CD200: variants seen among roughly 807,000 people sequenced by gnomAD.
The protein encoded by CD200 is OX-2 membrane glycoprotein.
A neutral mutation model predicts 30.9 loss-of-function variants in CD200; 15 were observed. The ratio of observed to expected loss-of-function variants is 0.49; its 90% CI spans 0.32 to 0.75. The LOEUF is 0.75. CD200 is among the 30% of genes least tolerant of loss of function. The pLI is 0.03. For synonymous variants in CD200, 134 were observed against 126.2 expected (o/e 1.06, Z -0.41); for missense variants, 262 against 324.2 (o/e 0.81, Z 1.47).
rs894594109 is a variant in CD200 at position 112,345,162 on chromosome 3, C to T, written c.295C>T (p.Leu99=). 1.9e-6 allele frequency: 3 copies of T among 1,613,996 alleles called. No homozygotes were observed. Among genetic ancestry groups the T allele is most frequent in the Non-Finnish European group, 2.5e-6 (3 of 1,179,976 alleles). The change falls in exon 3 of 6, where the codon CTG becomes TTG. Residue 99 remains leucine (L), a synonymous_variant. Coordinates refer to ENST00000315711, the MANE Select transcript of CD200 (RefSeq NM_005944.7). ...TAAGGACAAGATAAACATTACCCAG[C>T]TGGGACTCCAAAACTCAACCATCAC... is the stretch of plus-strand genomic sequence containing the variant. ...AYKDKINITQ[L]GLQNSTITFW...
chr3:112,333,913 GAGA>G (rs1211703477), intron 1 of CD200: 1 of 985,388 alleles, frequency 1.0e-6, no homozygotes, highest in African/African-American at 1.7e-5. Flanking sequence ...ACAAAAAACG[GAGA>G]AGGTTTTCAT....
rs1559783024 is a variant in CD200 at position 112,342,325 on chromosome 3, CTTTCTTTCTTTCCTT to C, written c.94+1343_94+1357del. ...TCCTTCCTTTCTTCTTTCTTTCTTTCTTTCTTTCTTTCCTTCTTTCTTTCTTTCTTTCTTTCTTTC... is the reference window on the plus strand; with the variant it reads ...TCCTTCCTTTCTTCTTTCTTTCTTTCCTTTCTTTCTTTCTTTCTTTCTTTC... On this transcript the variant is annotated intron_variant, in intron 2 of 5. Transcript: ENST00000315711. 4.2e-3 allele frequency among the ~76,000 whole-genome samples: 110 copies of C among 26,060 alleles called. 25 individuals carry two copies. Among genetic ancestry groups the C allele is most frequent in the African/African-American group, 7.9e-3 (45 of 5,710 alleles). 17.1% of individuals were successfully genotyped at this position (26,060 alleles called of 152,430 possible). A position where few individuals can be genotyped will look rare whatever the true frequency, so the allele number is the denominator to read the frequency against.
chr3:112,336,014 C>A, intron 1 of CD200: 1 of 1,604,586 alleles, frequency 6.2e-7, no homozygotes, highest in South Asian at 1.1e-5. Flanking sequence ...TCAATGATTA[C>A]CAGGTAATTT....
chr3:112,338,757 T>G (rs2081174592), intron 1 of CD200, among the ~76,000 whole-genome samples: 1 of 138,212 alleles, frequency 7.2e-6, no homozygotes, highest in Non-Finnish European at 1.5e-5. Flanking sequence ...GTTTGGTAAT[T>G]CCTCACAACG....
intron 1 of CD200, 56 bp from the exon 2 acceptor site, chr3:112,340,846 C>T: frequency 1.8e-6 from 2 of 1,099,692 alleles, no homozygotes; most frequent in South Asian, 2.6e-5. Flanking sequence ...ATTGAAGCTT[C>T]CTTGGATTTG....
chr3:112,338,573 G>A (rs1002726021), intron 1 of CD200, among the ~76,000 whole-genome samples: 1 of 152,192 alleles, frequency 6.6e-6, no homozygotes, highest in Non-Finnish European at 1.5e-5. Flanking sequence ...GCTGCAGGTA[G>A]TGACAGATGG....
intron 5 of CD200, 64 bp downstream of exon 5, chr3:112,349,883 T>G: frequency 6.6e-7 from 1 of 1,504,050 alleles, no homozygotes; most frequent in Non-Finnish European, 8.9e-7. Context: ...TGACAATTTG[T>G]GAGTCATTTG....
At chr3:112,345,860 G>A (rs1231169626) in intron 3 of CD200, among the ~76,000 whole-genome samples, 1 of 152,136 alleles carries the variant, frequency 6.6e-6, no homozygotes, top group African/African-American at 2.4e-5. Context: ...AGATATAACT[G>A]GGCAAGAGCA....
chr3:112,357,271 A>AAAAAAAAAAG (rs1553720695), intron 5 of CD200, among the ~76,000 whole-genome samples: 3 of 139,738 alleles, frequency 2.1e-5, no homozygotes, highest in African/African-American at 8.1e-5. Context: ...AAAAAAAAAA[A>AAAAAAAAAAG]AAAGAAAGAA....
At position 112,349,457 on chromosome 3, in the gene CD200, T is replaced by C. The variant is rs1282893324; in HGVS notation, c.695-255T>C. Among the ~76,000 whole-genome samples, 6 of 152,338 alleles carry C rather than the reference T, an allele frequency of 3.9e-5. No homozygotes were observed. In the South Asian group the frequency reaches 6.2e-4, roughly 16 times the overall value. On this transcript the variant is annotated intron_variant, in intron 4 of 5. Transcript: ENST00000315711. ...TCAAAGCCTCAGTTTTCTTTAAATC[T>C]GTTAGAAAATAATAACTCTTGGGAT... is the stretch of plus-strand genomic sequence containing the variant.
intron 3 of CD200, 35 bp downstream of exon 3, chr3:112,345,323 A>G (rs1262838934): frequency 9.7e-6 from 15 of 1,540,690 alleles, no homozygotes; most frequent in Non-Finnish European, 1.3e-5. Context: ...CTGTGTCTGG[A>G]AATACTATTT....
At chr3:112,333,300 AGTGGAAG>A in intron 1 of CD200, 76 bp downstream of exon 1, 1 of 1,507,680 alleles carries the variant, frequency 6.6e-7, no homozygotes, top group Admixed American at 2.1e-5. Context: ...GCGGGCGGCG[AGTGGAAG>A]GCGCGGAGCT....
intron 2 of CD200, among the ~76,000 whole-genome samples, 182 bp from the exon 3 acceptor site, chr3:112,344,780 C>G (rs956931987): frequency 5.9e-5 from 9 of 152,164 alleles, no homozygotes; most frequent in African/African-American, 2.2e-4. Context: ...AAAGATTGAA[C>G]AAACATATTT....
At position 112,361,690 on chromosome 3, in the gene CD200, G is replaced by A. The variant is rs1247365969; in HGVS notation, c.*140G>A. 2.6e-6 allele frequency: 2 copies of A among 782,250 alleles called. No individual in the cohort carries two copies. The highest frequency in any genetic ancestry group is 4.6e-6 in the Non-Finnish European group (2 of 439,556). The allele number at this position is 782,250 out of a possible 1,614,324, so 48.5% of individuals were successfully genotyped here. A position where few individuals can be genotyped will look rare whatever the true frequency, so the allele number is the denominator to read the frequency against. On this transcript the variant is annotated 3_prime_UTR_variant, in exon 6 of 6. Coordinates refer to ENST00000315711, the MANE Select transcript of CD200 (RefSeq NM_005944.7). ...GGAGCGAAAGCCTTAAGGATCCCAC[G>A]ACTTTTTACTGCCATCTGAGCTACT...
intron 2 of CD200, among the ~76,000 whole-genome samples, chr3:112,344,645 G>C (rs570847036): frequency 6.6e-6 from 1 of 152,248 alleles, no homozygotes; most frequent in East Asian, 1.9e-4. Flanking sequence ...TGGTGAAGCT[G>C]CTATCCTACC....
In CD200 at chr3:112,347,704, A is replaced by G. The variant is rs932172270; in HGVS notation, c.568A>G (p.Asn190Asp). The change falls in exon 4 of 6, where the codon AAT becomes GAT. Residue 190 changes from asparagine (N) to aspartate (D), a missense_variant. Physicochemically the swap from Asn to Asp is conservative, Grantham distance 23. Coordinates refer to ENST00000315711, the MANE Select transcript of CD200 (RefSeq NM_005944.7). ...TAGTACAGTGACTCTGTCTCACCCA[A>G]ATGGGACCACGTCTGTTACCAGCAT... ...ENSTVTLSHPNGTTSVTSILH... is the reference protein window; with the variant it reads ...ENSTVTLSHPDGTTSVTSILH... 6.2e-7 allele frequency: 1 copy of G among 1,613,940 alleles called. No homozygotes were observed. The highest frequency in any genetic ancestry group is 1.7e-4 in the Middle Eastern group (1 of 6,060).
chr3:112,352,525 G>A (rs2081552455), intron 5 of CD200, among the ~76,000 whole-genome samples: 1 of 134,994 alleles, frequency 7.4e-6, no homozygotes, highest in East Asian at 2.1e-4. Context: ...AAACACTAAA[G>A]TGAAGAGGTG....
chr3:112,351,960 C>A (rs1406042640), intron 5 of CD200, among the ~76,000 whole-genome samples: 1 of 152,186 alleles, frequency 6.6e-6, no homozygotes, highest in Non-Finnish European at 1.5e-5. Context: ...AGAGAGAACT[C>A]ACTCACACCA....
chr3:112,356,401 CATG>C (rs1330478278), intron 5 of CD200, among the ~76,000 whole-genome samples: 1 of 151,998 alleles, frequency 6.6e-6, no homozygotes, highest in African/African-American at 2.4e-5. Context: ...TGGTGTACAA[CATG>C]ATATTTCTAT....
Sources: allele counts gnomAD v4.1 joint callset (sites outside exome capture counted in the v4.1 genomes callset), GRCh38; gene constraint gnomAD v4.1.1; transcripts MANE v1.5; gene names NCBI Gene and HGNC (gene_info 2026-07-23, HGNC 2026-07-21).